KSR1: variants seen among roughly 807,000 people sequenced by gnomAD.
The protein encoded by KSR1 is kinase suppressor of ras 1.
KSR1 carries 35 observed loss-of-function variants against 92.9 expected under a neutral mutation model. The observed-to-expected ratio is 0.38, with a 90% confidence interval of 0.29 to 0.50. The LOEUF (loss-of-function observed/expected upper bound fraction) is 0.50. Among genes scored for constraint, KSR1 ranks in the 20% least tolerant of loss-of-function variants. The pLI, the probability that KSR1 is intolerant of heterozygous loss-of-function variation, is 0.94. For missense variants in KSR1, 972 were observed against 1,158.5 expected, an observed-to-expected ratio of 0.84 and a Z score of 2.34; for synonymous variants, 467 against 472.6, an observed-to-expected ratio of 0.99 and a Z score of 0.15.
chr17:27,563,856 C>T (rs11869005), intron 2 of KSR1, among the ~76,000 whole-genome samples: 6 of 152,122 alleles, frequency 3.9e-5, no homozygotes. Context: ...GCCACCTTGT[C>T]TAAGCTTAGA....
intron 2 of KSR1, among the ~76,000 whole-genome samples, chr17:27,575,535 C>T (rs1037668792): frequency 2.6e-5 from 4 of 152,140 alleles, no homozygotes; most frequent in African/African-American, 9.7e-5. Flanking sequence ...ATCATGGGGT[C>T]TTTGTGACCT....
chr17:27,595,199 G>T (rs1457392488), intron 9 of KSR1, among the ~76,000 whole-genome samples: 1 of 152,202 alleles, frequency 6.6e-6, no homozygotes, highest in Non-Finnish European at 1.5e-5. Flanking sequence ...ACCCCCAGGG[G>T]AATTGATGTT....
At chr17:27,507,074 C>T (rs970341407) in intron 1 of KSR1, among the ~76,000 whole-genome samples, 1 of 152,166 alleles carries the variant, frequency 6.6e-6, no homozygotes, top group Non-Finnish European at 1.5e-5. Context: ...GTGGCTAGTC[C>T]TAGTCGGGGT....
intron 1 of KSR1, among the ~76,000 whole-genome samples, chr17:27,532,983 G>C (rs530806323): frequency 1.5e-4 from 23 of 152,322 alleles, no homozygotes; most frequent in Non-Finnish European, 3.1e-4. Context: ...ACGTTGGGTT[G>C]GCTTCCTGAC....
At chr17:27,515,497 G>A (rs536045087) in intron 1 of KSR1, among the ~76,000 whole-genome samples, 6 of 151,966 alleles carry the variant, frequency 3.9e-5, no homozygotes, top group South Asian at 4.2e-4. Flanking sequence ...TGACTTTTTC[G>A]GTGTGGCTGG....
rs1421756754 is a variant in KSR1, at chr17:27,607,940, C to T, written c.2021C>T (p.Ser674Leu). 7 of 1,609,722 alleles carry T rather than the reference C, an allele frequency of 4.3e-6. No homozygotes were observed. Among genetic ancestry groups the T allele is most frequent in the South Asian group, 1.1e-5 (1 of 90,050 alleles). Reference sequence around the variant, plus strand: ...TTCTGCAAGGGGCGGACGTTGCACTCGTTTGTGAGGGACCCCAAGACGTCT... The same window carrying T: ...TTCTGCAAGGGGCGGACGTTGCACTTGTTTGTGAGGGACCCCAAGACGTCT... The part of the protein sequence containing the change: ...TSFCKGRTLH[S>L]FVRDPKTSLD... The change falls in exon 15 of 21, where the codon TCG becomes TTG. Residue 674 changes from serine (S) to leucine (L), a missense_variant. This residue lies in a region of KSR1 where 260 missense variants were observed against 375.2 expected (regional missense o/e 0.69). Transcript: ENST00000644974.
chr17:27,585,368 T>G (rs1373781188), intron 4 of KSR1, among the ~76,000 whole-genome samples: 1 of 152,168 alleles, frequency 6.6e-6, no homozygotes, highest in African/African-American at 2.4e-5. Flanking sequence ...ATTACCATGC[T>G]TGGTTGCTGG....
intron 15 of KSR1, 138 bp from the exon 16 acceptor site, chr17:27,609,058 T>C (rs1490320817): frequency 9.4e-7 from 1 of 1,064,766 alleles, no homozygotes; most frequent in Non-Finnish European, 1.3e-6. Flanking sequence ...GAACCTCGAT[T>C]TCTTCTTCTG....
At position 27,625,563 on chromosome 17, in the gene KSR1, T is replaced by G. The variant is rs1203030441; in HGVS notation, c.*2171T>G. 6.6e-6 allele frequency: 1 copy of G among 152,270 alleles called. No homozygotes were observed. Among genetic ancestry groups the G allele is most frequent in the Non-Finnish European group, 1.5e-5 (1 of 68,062 alleles). The allele number at this position is 152,270 out of a possible 1,614,324, so 9.4% of individuals were successfully genotyped here. A position where few individuals can be genotyped will look rare whatever the true frequency, so the allele number is the denominator to read the frequency against. On this transcript the variant is annotated 3_prime_UTR_variant, in exon 21 of 21. Transcript: ENST00000644974. ...CTGAAGGACTGGGGGCAGCTGGCTC[T>G]CAGCCTGCCACCTCTGCACTGCCTG...
chr17:27,535,191 A>G (rs966458917), intron 1 of KSR1, among the ~76,000 whole-genome samples: 2 of 152,170 alleles, frequency 1.3e-5, no homozygotes, highest in Non-Finnish European at 2.9e-5. Context: ...GCGCCACAAC[A>G]TAGGATGGTG....
intron 1 of KSR1, among the ~76,000 whole-genome samples, chr17:27,547,220 T>C (rs547184314): frequency 1.3e-5 from 2 of 152,206 alleles, no homozygotes; most frequent in East Asian, 3.9e-4. Context: ...CTGGGGGAAA[T>C]TTCAAAAACG....
In KSR1 at chr17:27,623,584, C is replaced by T. The variant is rs1417945794; in HGVS notation, c.*192C>T. 14 of 635,908 alleles carry T rather than the reference C, an allele frequency of 2.2e-5. No homozygotes were observed. The East Asian group carries it at 3.8e-4, about 17-fold the overall frequency. The allele number at this position is 635,908 out of a possible 1,614,324, so 39.4% of individuals were successfully genotyped here. A position where few individuals can be genotyped will look rare whatever the true frequency, so the allele number is the denominator to read the frequency against. On this transcript the variant is annotated 3_prime_UTR_variant, in exon 21 of 21. Transcript: ENST00000644974. ...CTGCACCTGCTATTTCTTAAAATGA[C>T]ACCACCAACAACCAAACCTGTCATG...
At chr17:27,558,089 G>A (rs2071675156) in intron 2 of KSR1, 1 of 152,526 alleles carries the variant, frequency 6.6e-6, no homozygotes, top group African/African-American at 2.4e-5. Context: ...CTGAGAGATG[G>A]GAGTTTTAAA....
intron 2 of KSR1, among the ~76,000 whole-genome samples, chr17:27,567,889 TA>T (rs1433081636): frequency 6.6e-6 from 1 of 152,208 alleles, no homozygotes; most frequent in Non-Finnish European, 1.5e-5. Context: ...GAGTGCTGAC[TA>T]GATTGTCCCT....
intron 18 of KSR1, among the ~76,000 whole-genome samples, chr17:27,616,380 T>C (rs2074055253): frequency 6.6e-6 from 1 of 152,244 alleles, no homozygotes; most frequent in African/African-American, 2.4e-5. Flanking sequence ...CCAGCACTTT[T>C]AATGTTTCAG....
At chr17:27,568,460 G>C (rs1401244659) in intron 2 of KSR1, among the ~76,000 whole-genome samples, 1 of 152,264 alleles carries the variant, frequency 6.6e-6, no homozygotes, top group Non-Finnish European at 1.5e-5. Context: ...TCTGGCACCA[G>C]GGCCCTCACT....
chr17:27,513,991 A>G (rs750696269), intron 1 of KSR1, among the ~76,000 whole-genome samples: 3 of 152,256 alleles, frequency 2.0e-5, no homozygotes, highest in East Asian at 1.9e-4. Flanking sequence ...CCGAGTCTCC[A>G]GGCCACTGCT....
intron 1 of KSR1, chr17:27,465,494 G>A (rs1299127728): frequency 5.3e-5 from 8 of 152,100 alleles, no homozygotes; most frequent in East Asian, 1.9e-4. Context: ...CAGCCTGGGC[G>A]ACATACTGAG....
At position 27,617,242 on chromosome 17, in the gene KSR1, GC is replaced by G. The variant is rs773165036; in HGVS notation, c.2494-48del. 262 of 1,559,016 alleles carry G rather than the reference GC, an allele frequency of 1.7e-4. 3 individuals are homozygous for G. The South Asian group carries it at 2.1e-3, about 12-fold the overall frequency. ...CCTTTGTGGAGCACCCCTACTGTGT[GC>G]CCCCTCCCTCCCAGCCAGCTCACAC... On this transcript the variant is annotated intron_variant, in intron 18 of 20. Coordinates refer to ENST00000644974, the MANE Select transcript of KSR1 (RefSeq NM_001394583.1).
Sources: allele counts gnomAD v4.1 joint callset (sites outside exome capture counted in the v4.1 genomes callset), GRCh38; gene constraint gnomAD v4.1.1; regional missense constraint gnomAD v4.1.1; transcripts MANE v1.5; gene names NCBI Gene and HGNC (gene_info 2026-07-23, HGNC 2026-07-21).